Variants in TMEM132B observed in about 807,000 individuals in gnomAD.
The protein encoded by TMEM132B is transmembrane protein 132B.
Under a neutral mutation model 90.8 loss-of-function variants are expected in TMEM132B, and 18 were observed. The observed-to-expected ratio is 0.20, with a 90% CI of 0.14 to 0.29. The LOEUF (loss-of-function observed/expected upper bound fraction) is 0.29. TMEM132B is among the 10% of genes least tolerant of loss of function. The pLI, the probability that TMEM132B is intolerant of heterozygous loss-of-function variation, is 1.00. For missense variants in TMEM132B, 1,096 were observed against 1,326.8 expected (o/e 0.83, Z 2.70); for synonymous variants, 504 against 523.3 (o/e 0.96, Z 0.50).
intron 2 of TMEM132B, among the ~76,000 whole-genome samples, chr12:125,401,635 T>C (rs564327536): frequency 2.4e-4 from 36 of 151,942 alleles, no homozygotes; most frequent in African/African-American, 8.5e-4. Context: ...GAGCCAGTGT[T>C]CTGTTCCCCA....
intron 2 of TMEM132B, among the ~76,000 whole-genome samples, chr12:125,353,490 A>C (rs773896309): frequency 1.3e-5 from 2 of 152,258 alleles, no homozygotes; most frequent in African/African-American, 2.4e-5. Flanking sequence ...GGGCAGTGGC[A>C]TACCCAGCAT....
chr12:125,515,225 TTCTC>T (rs961911290), intron 3 of TMEM132B, among the ~76,000 whole-genome samples: 74 of 149,624 alleles, frequency 4.9e-4, no homozygotes, highest in Non-Finnish European at 8.6e-4. Context: ...CGTTCACACA[TTCTC>T]TCACACACAT....
Position 125,503,579 on chromosome 12 carries a change from G to A in TMEM132B, c.1107-15860G>A, listed in dbSNP as rs77360416. 9.5e-3 allele frequency among the ~76,000 whole-genome samples: 1,450 copies of A among 152,306 alleles called. 22 individuals carry two copies. The highest frequency in any genetic ancestry group is 0.033 in the African/African-American group (1,365 of 41,562). ...GTGAGCATTGGGCAAATTCAAGGAG[G>A]TGGTACCTGAATCCTGTGTGAACTC... On this transcript the variant is annotated intron_variant, in intron 3 of 8. Coordinates refer to ENST00000682704, the MANE Select transcript of TMEM132B (RefSeq NM_001366854.1).
chr12:125,489,845 A>G (rs893582687), intron 3 of TMEM132B, among the ~76,000 whole-genome samples: 2 of 152,208 alleles, frequency 1.3e-5, no homozygotes, highest in Non-Finnish European at 2.9e-5. Flanking sequence ...GAATGGTCCA[A>G]GATGGAAGAG....
At chr12:125,583,431 A>G (rs1885101156) in intron 4 of TMEM132B, among the ~76,000 whole-genome samples, 1 of 152,138 alleles carries the variant, frequency 6.6e-6, no homozygotes, top group South Asian at 2.1e-4. Flanking sequence ...TTAAAATCAC[A>G]ATGAAGTCTA....
intron 1 of TMEM132B, among the ~76,000 whole-genome samples, chr12:125,247,772 T>A (rs1219083448): frequency 6.6e-6 from 1 of 152,236 alleles, no homozygotes; most frequent in Non-Finnish European, 1.5e-5. Context: ...AGGCCTGACC[T>A]ATTAGACCTC....
chr12:125,584,269 C>T (rs1031182166), intron 5 of TMEM132B: 12 of 438,932 alleles, frequency 2.7e-5, no homozygotes, highest in African/African-American at 2.2e-4. Context: ...TTCTTGTCTC[C>T]CCTATTCTTC....
intron 3 of TMEM132B, among the ~76,000 whole-genome samples, chr12:125,517,348 T>TGCA (rs1566060756): frequency 2.6e-4 from 17 of 66,454 alleles, no homozygotes; most frequent in South Asian, 1.1e-3. Flanking sequence ...TTTTTTTTTT[T>TGCA]TTTTTTTTTT....
At chr12:125,357,631 C>T (rs1004894582) in intron 2 of TMEM132B, among the ~76,000 whole-genome samples, 9 of 152,038 alleles carry the variant, frequency 5.9e-5, no homozygotes, top group East Asian at 1.9e-4. Context: ...CATCACCTGC[C>T]GAAGACCGGG....
chr12:125,587,438 G>A (rs570938401), intron 5 of TMEM132B: 1 of 152,306 alleles, frequency 6.6e-6, no homozygotes, highest in East Asian at 1.9e-4. Flanking sequence ...TTTAAAAATT[G>A]TTACTTAATT....
chr12:125,272,482 C>T (rs1230426062), intron 1 of TMEM132B, among the ~76,000 whole-genome samples: 2 of 152,128 alleles, frequency 1.3e-5, no homozygotes, highest in African/African-American at 2.4e-5. Flanking sequence ...TGATCCCCTG[C>T]GCCCAGGCCT....
At chr12:125,254,926 C>A (rs1328213410) in intron 1 of TMEM132B, among the ~76,000 whole-genome samples, 1 of 151,976 alleles carries the variant, frequency 6.6e-6, no homozygotes, top group Admixed American at 6.6e-5. Context: ...CTCAGGCAAT[C>A]CACCCGCCTC....
chr12:125,632,728 G>A (rs1886395329), intron 5 of TMEM132B, among the ~76,000 whole-genome samples: 1 of 151,822 alleles, frequency 6.6e-6, no homozygotes, highest in South Asian at 2.1e-4. Context: ...ACTCTCTTCT[G>A]GCCTTTAAGG....
chr12:125,606,772 C>G (rs940700992), intron 5 of TMEM132B, among the ~76,000 whole-genome samples: 1 of 152,240 alleles, frequency 6.6e-6, no homozygotes, highest in Non-Finnish European at 1.5e-5. Context: ...CCTGGGACCA[C>G]TGAGCCCAGA....
intron 1 of TMEM132B, among the ~76,000 whole-genome samples, chr12:125,234,042 T>C (rs376372760): frequency 9.8e-5 from 15 of 152,332 alleles, no homozygotes; most frequent in African/African-American, 3.6e-4. Context: ...AAAGGATTGC[T>C]GTAGTCAGGG....
chr12:125,340,268 G>A (rs544680088), intron 1 of TMEM132B, among the ~76,000 whole-genome samples: 9 of 152,168 alleles, frequency 5.9e-5, no homozygotes, highest in Non-Finnish European at 8.8e-5. Context: ...CAAAGCATTC[G>A]AATTCAATTA....
chr12:125,562,063 A>G (rs1807638419), intron 4 of TMEM132B, among the ~76,000 whole-genome samples: 1 of 152,236 alleles, frequency 6.6e-6, no homozygotes, highest in African/African-American at 2.4e-5. Flanking sequence ...AGCCATCTTC[A>G]AAGATCTTAG....
rs1874217637 is a variant in TMEM132B, at chr12:125,246,840, A to G, written c.67+59974A>G. ...ATCCATCTGCTTGTTAGGCACTTCC[A>G]GTGTCTCTGATGTGACACCATTTGG... On this transcript the variant is annotated intron_variant, in intron 1 of 8. Transcript: ENST00000682704. The surrounding 1 kb of genome is among the most constrained non-coding windows in gnomAD (Gnocchi z 4.2). Among the ~76,000 whole-genome samples, 1 of 151,442 alleles carries G rather than the reference A, an allele frequency of 6.6e-6. No individual in the cohort carries two copies. Among genetic ancestry groups the G allele is most frequent in the African/African-American group, 2.4e-5 (1 of 41,260 alleles).
intron 1 of TMEM132B, among the ~76,000 whole-genome samples, chr12:125,348,371 G>C (rs1877433046): frequency 6.6e-6 from 1 of 152,166 alleles, no homozygotes; most frequent in Non-Finnish European, 1.5e-5. Flanking sequence ...CTGTCGCCCA[G>C]ATTGGAGTGC....
Sources: allele counts gnomAD v4.1 joint callset (sites outside exome capture counted in the v4.1 genomes callset), GRCh38; gene constraint gnomAD v4.1.1; non-coding constraint Gnocchi (gnomAD v3.1); transcripts MANE v1.5; gene names NCBI Gene and HGNC (gene_info 2026-07-23, HGNC 2026-07-21).